Variants in EEPD1 observed in about 807,000 individuals in gnomAD.
EEPD1 encodes the protein endonuclease/exonuclease/phosphatase family domain containing 1.
A neutral mutation model predicts 46.3 loss-of-function variants in EEPD1; 17 were observed. That is an observed-to-expected ratio of 0.37 (90% CI 0.25 to 0.55). The LOEUF is 0.55. EEPD1 is among the 20% of genes least tolerant of loss of function. The probability of loss-of-function intolerance (pLI) is 0.83; values close to 1 mark genes in which losing one functional copy is unlikely to be tolerated. For missense variants in EEPD1, 673 were observed against 745.6 expected (o/e 0.90, Z 1.13); for synonymous variants, 313 against 315.6 (o/e 0.99, Z 0.09).
Position 36,163,900 on chromosome 7 carries a change from A to C in EEPD1, c.878+8698A>C, listed in dbSNP as rs551013214. 5.3e-5 allele frequency among the ~76,000 whole-genome samples: 8 copies of C among 151,706 alleles called. No individual in the cohort carries two copies. The South Asian group carries it at 8.4e-4, about 16-fold the overall frequency. ...CTCAGGAAGAAAAAAAAAAAAAAAAAAGCTATTCTGTTCAGTAATGCTTCT... is the reference window on the plus strand; with the variant it reads ...CTCAGGAAGAAAAAAAAAAAAAAAACAGCTATTCTGTTCAGTAATGCTTCT... On this transcript the variant is annotated intron_variant, in intron 2 of 7. Coordinates refer to ENST00000242108, the MANE Select transcript of EEPD1 (RefSeq NM_030636.3).
chr7:36,176,127 A>G (rs1583788245), intron 2 of EEPD1, among the ~76,000 whole-genome samples: 3 of 152,308 alleles, frequency 2.0e-5, no homozygotes, highest in South Asian at 4.1e-4. Context: ...GGGAGCCACA[A>G]GCAGATCCAC....
At chr7:36,187,101 C>T (rs969828197) in intron 2 of EEPD1, among the ~76,000 whole-genome samples, 30 of 152,340 alleles carry the variant, frequency 2.0e-4, no homozygotes, top group African/African-American at 6.7e-4. Flanking sequence ...GCCTGGCTGT[C>T]TCTGAGCTCT....
At chr7:36,262,963 G>A (rs1302259550) in intron 3 of EEPD1, among the ~76,000 whole-genome samples, 1 of 152,108 alleles carries the variant, frequency 6.6e-6, no homozygotes, top group Non-Finnish European at 1.5e-5. Flanking sequence ...GGGTAGGGGA[G>A]GGCTCTCTCC....
chr7:36,289,818 A>G (rs196600), intron 6 of EEPD1, among the ~76,000 whole-genome samples: 60,396 of 152,062 alleles, frequency 0.4, 12,832 homozygotes, highest in East Asian at 0.76. Flanking sequence ...TTTTGAGGCT[A>G]AGTAATATCC....
rs1185289232 is a variant in EEPD1, at chr7:36,155,323, G to T, written c.878+121G>T. 9 of 1,211,398 alleles carry T rather than the reference G, an allele frequency of 7.4e-6. No homozygotes were observed. The African/African-American group carries it at 1.2e-4, about 17-fold the overall frequency. The allele number at this position is 1,211,398 out of a possible 1,614,324, so 75.0% of individuals were successfully genotyped here. A position where few individuals can be genotyped will look rare whatever the true frequency, so the allele number is the denominator to read the frequency against. On this transcript the variant is annotated intron_variant, in intron 2 of 7. Coordinates refer to ENST00000242108, the MANE Select transcript of EEPD1 (RefSeq NM_030636.3). Reference sequence around the variant, plus strand: ...GAGGGTGCAAGAGTTTTTAATCAATGTTCTTGAAGCCTCAGCCAATACCGT... The same window carrying T: ...GAGGGTGCAAGAGTTTTTAATCAATTTTCTTGAAGCCTCAGCCAATACCGT...
At chr7:36,248,553 T>C (rs1375972719) in intron 3 of EEPD1, among the ~76,000 whole-genome samples, 1 of 151,082 alleles carries the variant, frequency 6.6e-6, no homozygotes, top group Non-Finnish European at 1.5e-5. Flanking sequence ...CACTGTGTTA[T>C]TTCAAAAATA....
At chr7:36,219,621 A>G (rs1340408237) in intron 2 of EEPD1, among the ~76,000 whole-genome samples, 1 of 148,094 alleles carries the variant, frequency 6.8e-6, no homozygotes, top group Non-Finnish European at 1.5e-5. Flanking sequence ...GGAAGGAAAG[A>G]AGGAAAGAAG....
chr7:36,284,429 C>G (rs1787308626), intron 4 of EEPD1, among the ~76,000 whole-genome samples: 1 of 152,198 alleles, frequency 6.6e-6, no homozygotes, highest in African/African-American at 2.4e-5. Flanking sequence ...GGGCTTCACC[C>G]ACCTCCCCCC....
rs530781491 is a variant in EEPD1, at chr7:36,236,428, G to A, written c.879-2557G>A. Among the ~76,000 whole-genome samples, 406 of 152,344 alleles carry A rather than the reference G, an allele frequency of 2.7e-3. 1 individual carries two copies. Among genetic ancestry groups the A allele is most frequent in the Non-Finnish European group, 4.0e-3 (269 of 68,038 alleles). On this transcript the variant is annotated intron_variant, in intron 2 of 7. Coordinates refer to ENST00000242108, the MANE Select transcript of EEPD1 (RefSeq NM_030636.3). ...GGCTGAATCCCGTGCGTGGACCGCC[G>A]TTCCCTCTTCGCGGGATTGTTGGCC...
intron 4 of EEPD1, among the ~76,000 whole-genome samples, chr7:36,282,490 A>G (rs1266602998): frequency 6.6e-6 from 1 of 152,252 alleles, no homozygotes; most frequent in Non-Finnish European, 1.5e-5. Flanking sequence ...GTTGGAGAGC[A>G]AGACAGGTAA....
intron 2 of EEPD1, among the ~76,000 whole-genome samples, chr7:36,171,417 A>G (rs996029042): frequency 6.6e-5 from 10 of 152,358 alleles, no homozygotes; most frequent in African/African-American, 2.4e-4. Context: ...AATTAATTTC[A>G]CTTGTACAAA....
chr7:36,228,185 A>G (rs1309055279), intron 2 of EEPD1, among the ~76,000 whole-genome samples: 3 of 152,174 alleles, frequency 2.0e-5, no homozygotes, highest in Admixed American at 6.5e-5. Context: ...GATTGATGCC[A>G]TTTGTGAATC....
intron 6 of EEPD1, among the ~76,000 whole-genome samples, chr7:36,288,695 G>A (rs1011319073): frequency 1.5e-4 from 23 of 151,758 alleles, no homozygotes; most frequent in Middle Eastern, 3.4e-3. Context: ...CCAGGAAGTC[G>A]AGGCTGCAGT....
At chr7:36,178,793 G>A (rs192828623) in intron 2 of EEPD1, among the ~76,000 whole-genome samples, 52 of 152,324 alleles carry the variant, frequency 3.4e-4, no homozygotes, top group African/African-American at 1.1e-3. Context: ...AGGAGCCCTC[G>A]AAGGTAAACT....
At chr7:36,244,867 A>G (rs1004077522) in intron 3 of EEPD1, among the ~76,000 whole-genome samples, 10 of 141,886 alleles carry the variant, frequency 7.0e-5, no homozygotes, top group African/African-American at 2.1e-4. Flanking sequence ...CCGCATCCTG[A>G]GTTCGAGCAA....
At position 36,193,806 on chromosome 7, in the gene EEPD1, G is replaced by A. The variant is rs2115683954; in HGVS notation, c.878+38604G>A. Among the ~76,000 whole-genome samples, 1 of 152,282 alleles carries A rather than the reference G, an allele frequency of 6.6e-6. No individual in the cohort carries two copies. Among genetic ancestry groups the A allele is most frequent in the Non-Finnish European group, 1.5e-5 (1 of 68,002 alleles). On this transcript the variant is annotated intron_variant, in intron 2 of 7. Coordinates refer to ENST00000242108, the MANE Select transcript of EEPD1 (RefSeq NM_030636.3). This position sits in a 1 kb window ranked among gnomAD's most constrained non-coding sequence, Gnocchi z 4.9. ...GCAGAGCGGCCACACCCATCCTGGTGCCCTCTCTTTATGGCTGCCACCTCC... is the reference window on the plus strand; with the variant it reads ...GCAGAGCGGCCACACCCATCCTGGTACCCTCTCTTTATGGCTGCCACCTCC...
intron 6 of EEPD1, among the ~76,000 whole-genome samples, chr7:36,292,578 G>A (rs1227981383): frequency 6.6e-6 from 1 of 151,674 alleles, no homozygotes; most frequent in East Asian, 1.9e-4. Flanking sequence ...AGCCATGTTG[G>A]CTCACTGCAA....
intron 6 of EEPD1, among the ~76,000 whole-genome samples, chr7:36,296,445 C>T (rs754576114): frequency 4.6e-5 from 7 of 152,190 alleles, no homozygotes; most frequent in Non-Finnish European, 1.0e-4. Context: ...GACCCAAGCA[C>T]TTCTGTGCAT....
At chr7:36,254,011 C>T (rs1786790744) in intron 3 of EEPD1, among the ~76,000 whole-genome samples, 1 of 152,030 alleles carries the variant, frequency 6.6e-6, no homozygotes, top group Non-Finnish European at 1.5e-5. Context: ...TCCTCTGTTC[C>T]TCATTACTTT....
Sources: allele counts gnomAD v4.1 joint callset (sites outside exome capture counted in the v4.1 genomes callset), GRCh38; gene constraint gnomAD v4.1.1; non-coding constraint Gnocchi (gnomAD v3.1); transcripts MANE v1.5; gene names NCBI Gene and HGNC (gene_info 2026-07-23, HGNC 2026-07-21).